AUTS2: variants seen among roughly 807,000 people sequenced by gnomAD.
AUTS2 encodes the protein activator of transcription and developmental regulator AUTS2.
A neutral mutation model predicts 112.4 loss-of-function variants in AUTS2; 17 were observed. That is an observed-to-expected ratio of 0.15 (90% CI 0.10 to 0.23). The LOEUF is 0.23. AUTS2 is among the 10% of genes least tolerant of loss of function. AUTS2 has a pLI of 1.00. For missense variants in AUTS2, 1,510 were observed against 1,701.6 expected (o/e 0.89, Z 1.98); for synonymous variants, 751 against 702.7 (o/e 1.07, Z -1.09).
intron 1 of AUTS2, among the ~76,000 whole-genome samples, chr7:69,618,225 A>G (rs187902022): frequency 2.5e-4 from 38 of 152,228 alleles, no homozygotes; most frequent in Admixed American, 2.2e-3. Context: ...AACTAATTGG[A>G]ATATGCTCCC....
rs147166128 is a variant in AUTS2 at position 70,715,802 on chromosome 7, G to A, written c.742+17182G>A. 4.0e-3 allele frequency among the ~76,000 whole-genome samples: 603 copies of A among 152,258 alleles called. 6 individuals are homozygous for A. The highest frequency in any genetic ancestry group is 0.013 in the African/African-American group (555 of 41,556). ...CTGCCCTGTCCTCCCAAAGTGCTGG[G>A]ATTTACAGGCATGAGCCACCATGCC... is the stretch of plus-strand genomic sequence containing the variant. On this transcript the variant is annotated intron_variant, in intron 6 of 18. Transcript: ENST00000342771.
At chr7:70,391,959 C>T (rs1793882861) in intron 4 of AUTS2, among the ~76,000 whole-genome samples, 1 of 152,156 alleles carries the variant, frequency 6.6e-6, no homozygotes, top group South Asian at 2.1e-4. Flanking sequence ...CTGCATGGCT[C>T]ACCAATGGAT....
At position 70,320,955 on chromosome 7, in the gene AUTS2, C is replaced by A. The variant is rs548483753; in HGVS notation, c.661-114797C>A. 7.2e-5 allele frequency among the ~76,000 whole-genome samples: 11 copies of A among 152,314 alleles called. No individual in the cohort carries two copies. The Middle Eastern group carries it at 0.01, about 141-fold the overall frequency. ...AGGACCCCAGAAATCAACAGTGACACCAGCTGAGTGACCACAGGCAGTAAA... is the reference window on the plus strand; with the variant it reads ...AGGACCCCAGAAATCAACAGTGACAACAGCTGAGTGACCACAGGCAGTAAA... On this transcript the variant is annotated intron_variant, in intron 4 of 18. Coordinates refer to ENST00000342771, the MANE Select transcript of AUTS2 (RefSeq NM_015570.4).
intron 1 of AUTS2, among the ~76,000 whole-genome samples, chr7:69,778,228 A>ATG (rs776442240): frequency 0.016 from 1,223 of 78,854 alleles, 9 homozygotes; most frequent in Admixed American, 0.023. Context: ...CCTTATCCCC[A>ATG]TATATATATA....
intron 4 of AUTS2, among the ~76,000 whole-genome samples, chr7:70,405,834 T>C (rs781731238): frequency 6.6e-6 from 1 of 152,234 alleles, no homozygotes; most frequent in Non-Finnish European, 1.5e-5. Flanking sequence ...TGCTGTTATA[T>C]GTATTCATGT....
intron 4 of AUTS2, among the ~76,000 whole-genome samples, chr7:70,248,099 A>G (rs765768896): frequency 1.3e-5 from 2 of 152,180 alleles, no homozygotes. Flanking sequence ...TGCCTTTCAC[A>G]CAATGCTAGA....
intron 6 of AUTS2, among the ~76,000 whole-genome samples, chr7:70,723,684 A>G (rs1379675037): frequency 1.0e-5 from 1 of 96,756 alleles, no homozygotes; most frequent in Non-Finnish European, 2.2e-5. Context: ...AGAGAAAAAT[A>G]CTCGCGTAGC....
chr7:70,379,246 T>A (rs146666986), intron 4 of AUTS2, among the ~76,000 whole-genome samples: 7 of 152,210 alleles, frequency 4.6e-5, no homozygotes, highest in Admixed American at 4.6e-4. Flanking sequence ...ACGTCTGTAA[T>A]CCCAGCACTT....
intron 6 of AUTS2, chr7:70,699,145 G>T (rs1809304940): frequency 6.6e-6 from 1 of 152,252 alleles, no homozygotes; most frequent in Non-Finnish European, 1.5e-5. Flanking sequence ...TCTAGAGTAA[G>T]AGAGGCTAAT....
At chr7:69,920,870 G>A (rs1173520812) in intron 2 of AUTS2, among the ~76,000 whole-genome samples, 2 of 152,104 alleles carry the variant, frequency 1.3e-5, no homozygotes, top group Non-Finnish European at 2.9e-5. Context: ...ATTTTCCAGG[G>A]CTTCACCTCT....
intron 2 of AUTS2, among the ~76,000 whole-genome samples, chr7:69,934,648 G>T (rs1224704357): frequency 6.6e-6 from 1 of 152,142 alleles, no homozygotes; most frequent in Non-Finnish European, 1.5e-5. Flanking sequence ...AGCAAACACT[G>T]TGTGTGTTTG....
intron 4 of AUTS2, among the ~76,000 whole-genome samples, chr7:70,141,956 C>G (rs1465177196): frequency 6.6e-6 from 1 of 152,152 alleles, no homozygotes; most frequent in Non-Finnish European, 1.5e-5. Context: ...CTTCAGCTTC[C>G]TCATTCAGTA....
At chr7:69,786,010 T>C (rs1419851119) in intron 1 of AUTS2, among the ~76,000 whole-genome samples, 2 of 152,166 alleles carry the variant, frequency 1.3e-5, no homozygotes, top group African/African-American at 4.8e-5. Flanking sequence ...TTTTTTATTT[T>C]TAGTAGAAAC....
intron 5 of AUTS2, among the ~76,000 whole-genome samples, chr7:70,500,172 CA>C (rs140217403): frequency 0.13 from 13,847 of 106,732 alleles, 806 homozygotes; most frequent in African/African-American, 0.22. Flanking sequence ...TGGTGGTCTT[CA>C]AAAAAAAAAA....
At chr7:69,901,547 T>C (rs1794971867) in intron 2 of AUTS2, among the ~76,000 whole-genome samples, 1 of 152,224 alleles carries the variant, frequency 6.6e-6, no homozygotes, top group African/African-American at 2.4e-5. Flanking sequence ...TGGCCAACTC[T>C]CTTGTACTAA....
intron 4 of AUTS2, among the ~76,000 whole-genome samples, chr7:70,433,521 C>T (rs1417831139): frequency 2.6e-5 from 4 of 152,348 alleles, no homozygotes; most frequent in Admixed American, 1.3e-4. Context: ...TCCTCATCCA[C>T]CTGCGGTTCT....
At chr7:70,234,988 A>G (rs191116815) in intron 4 of AUTS2, among the ~76,000 whole-genome samples, 1 of 152,290 alleles carries the variant, frequency 6.6e-6, no homozygotes, top group Non-Finnish European at 1.5e-5. Context: ...TTGCGAAAAT[A>G]TTCACATAAA....
At chr7:70,176,460 T>C (rs1808991689) in intron 4 of AUTS2, among the ~76,000 whole-genome samples, 1 of 152,220 alleles carries the variant, frequency 6.6e-6, no homozygotes, top group Admixed American at 6.5e-5. Context: ...TTTCTTCTTT[T>C]GTGCAATGGC....
intron 1 of AUTS2, among the ~76,000 whole-genome samples, chr7:69,716,226 G>T (rs1440153388): frequency 6.6e-6 from 1 of 151,970 alleles, no homozygotes; most frequent in East Asian, 1.9e-4. Context: ...CTGTGTGTGT[G>T]TGTTTGTGTG....
Sources: allele counts gnomAD v4.1 joint callset (sites outside exome capture counted in the v4.1 genomes callset), GRCh38; gene constraint gnomAD v4.1.1; transcripts MANE v1.5; gene names NCBI Gene and HGNC (gene_info 2026-07-23, HGNC 2026-07-21).